Variants in OR9Q1 observed in about 807,000 individuals in gnomAD.
The protein encoded by OR9Q1 is olfactory receptor 9Q1.
For missense variants in OR9Q1, 374 were observed against 378.8 expected (o/e 0.99, Z 0.11); for synonymous variants, 153 against 148.6 (o/e 1.03, Z -0.22).
intron 2 of OR9Q1, chr11:58,119,289 A>G (rs770108640): frequency 2.2e-5 from 35 of 1,613,778 alleles, no homozygotes; most frequent in African/African-American, 1.3e-5. Context: ...AGAGTTTGAC[A>G]TCTACTTGGA....
chr11:58,119,216 T>A (rs751690017), intron 2 of OR9Q1: 5 of 1,613,904 alleles, frequency 3.1e-6, no homozygotes, highest in Admixed American at 1.7e-5. Flanking sequence ...TGAGGGGTGA[T>A]GACTGAGGTG....
intron 2 of OR9Q1, among the ~76,000 whole-genome samples, chr11:58,140,118 C>T (rs1854232266): frequency 6.6e-6 from 1 of 152,086 alleles, no homozygotes; most frequent in Non-Finnish European, 1.5e-5. Context: ...CCTTCACCCG[C>T]TTTTTGATGG....
intron 2 of OR9Q1, chr11:58,117,663 T>C (rs1281037819): frequency 6.6e-6 from 1 of 152,198 alleles, no homozygotes; most frequent in African/African-American, 2.4e-5. Flanking sequence ...TGCTCTCTGA[T>C]TTGCTCTTCC....
chr11:58,149,034 CTT>C (rs1443911626), intron 2 of OR9Q1, among the ~76,000 whole-genome samples: 1 of 152,098 alleles, frequency 6.6e-6, no homozygotes, highest in African/African-American at 2.4e-5. Context: ...TTCTCAACAT[CTT>C]TGTTCTTATT....
At chr11:58,029,473 T>A (rs990647522) in intron 1 of OR9Q1, among the ~76,000 whole-genome samples, 1 of 152,200 alleles carries the variant, frequency 6.6e-6, no homozygotes, top group African/African-American at 2.4e-5. Flanking sequence ...TCAATGGGAA[T>A]AGCCATAGAC....
chr11:58,074,303 A>G (rs1371573911), intron 2 of OR9Q1, among the ~76,000 whole-genome samples: 1 of 152,116 alleles, frequency 6.6e-6, no homozygotes, highest in Non-Finnish European at 1.5e-5. Flanking sequence ...TTACCATTCT[A>G]ATTGGTATGA....
At chr11:58,090,296 C>T (rs1412572960) in intron 2 of OR9Q1, among the ~76,000 whole-genome samples, 1 of 152,108 alleles carries the variant, frequency 6.6e-6, no homozygotes, top group African/African-American at 2.4e-5. Context: ...TCATAAATAG[C>T]TCTTATTATT....
chr11:58,118,663 T>C (rs1416431375), intron 2 of OR9Q1: 1 of 1,614,028 alleles, frequency 6.2e-7, no homozygotes, highest in Non-Finnish European at 8.5e-7. Flanking sequence ...TGAGCCACTT[T>C]GCAGATACAT....
At position 58,085,100 on chromosome 11, in the gene OR9Q1, C is replaced by T. The variant is rs142521026; in HGVS notation, c.-15+29153C>T. Among the ~76,000 whole-genome samples the T allele has an allele frequency of 1.2e-3, 182 of 151,922 alleles. 1 individual carries two copies. Among genetic ancestry groups the T allele is most frequent in the Admixed American group, 3.0e-3 (46 of 15,264 alleles). On this transcript the variant is annotated intron_variant, in intron 2 of 2. Transcript: ENST00000335397. Reference sequence around the variant, plus strand: ...AGTCCATGTACGTTAAAGCAAATCACCTTGTATTGATTCTCTGATTATTAA... The same window carrying T: ...AGTCCATGTACGTTAAAGCAAATCATCTTGTATTGATTCTCTGATTATTAA...
chr11:58,026,682 C>CAAAAAAAA (rs61606334), intron 1 of OR9Q1: 1 of 77,454 alleles, frequency 1.3e-5, no homozygotes, highest in South Asian at 5.3e-4. Flanking sequence ...ACTCTGTAAC[C>CAAAAAAAA]AAAAAAAAAA....
chr11:58,044,368 T>C (rs1386207515), intron 1 of OR9Q1: 2 of 152,218 alleles, frequency 1.3e-5, no homozygotes, highest in African/African-American at 2.4e-5. Context: ...TGTAGCAGCA[T>C]TTTGACTTCT....
chr11:58,089,025 C>T (rs571444242), intron 2 of OR9Q1, among the ~76,000 whole-genome samples: 114 of 151,590 alleles, frequency 7.5e-4, no homozygotes, highest in African/African-American at 2.6e-3. Context: ...TACAGGTGCC[C>T]GTCACCAGGC....
chr11:58,101,938 G>A (rs546229150), intron 2 of OR9Q1, among the ~76,000 whole-genome samples: 17 of 152,170 alleles, frequency 1.1e-4, no homozygotes, highest in East Asian at 9.7e-4. Context: ...TACAGACGGG[G>A]TTTCTTCATG....
Position 58,024,583 on chromosome 11 carries a change from T to G in OR9Q1, c.-93+479T>G, listed in dbSNP as rs969156957. ...TTTCCATATTTGTTAGGGAAAATCT[T>G]GGCCAGGGAGCACCGTCTTTTGAGG... On this transcript the variant is annotated intron_variant, in intron 1 of 2. Coordinates refer to ENST00000335397, the MANE Select transcript of OR9Q1 (RefSeq NM_001005212.4). Among the ~76,000 whole-genome samples, 4 of 152,224 alleles carry G rather than the reference T, an allele frequency of 2.6e-5. 1 individual carries two copies. The South Asian group carries it at 8.3e-4, about 32-fold the overall frequency.
At chr11:58,147,599 T>A (rs1854310823) in intron 2 of OR9Q1, among the ~76,000 whole-genome samples, 1 of 152,188 alleles carries the variant, frequency 6.6e-6, no homozygotes, top group Non-Finnish European at 1.5e-5. Context: ...AAATGAGTGA[T>A]CTTTGATACA....
chr11:58,124,758 C>T (rs1338468575), intron 2 of OR9Q1: 4 of 152,188 alleles, frequency 2.6e-5, no homozygotes, highest in Non-Finnish European at 5.9e-5. Context: ...TGTTTAAATT[C>T]TAACCCTGGT....
chr11:58,027,174 C>A (rs2119900296), intron 1 of OR9Q1, among the ~76,000 whole-genome samples: 1 of 152,300 alleles, frequency 6.6e-6, no homozygotes, highest in Admixed American at 6.5e-5. Context: ...CCCACGCATG[C>A]CCAACCAAAC....
intron 2 of OR9Q1, among the ~76,000 whole-genome samples, chr11:58,071,466 A>C (rs1351868251): frequency 6.6e-6 from 1 of 152,046 alleles, no homozygotes; most frequent in African/African-American, 2.4e-5. Context: ...CCAGCCTGGA[A>C]GAAGACAGAG....
At chr11:58,036,231 C>T (rs995950356) in intron 1 of OR9Q1, among the ~76,000 whole-genome samples, 55 of 152,282 alleles carry the variant, frequency 3.6e-4, no homozygotes, top group African/African-American at 1.3e-3. Context: ...ACTGAGTAAA[C>T]ATTTTCCTGT....
Sources: gnomAD v4.1 joint callset for allele counts (sites outside exome capture counted in the v4.1 genomes callset) on GRCh38, gnomAD v4.1.1 for gene constraint, MANE v1.5 for transcripts, NCBI Gene and HGNC (gene_info 2026-07-23, HGNC 2026-07-21) for gene names.